CSGALNACT1: variants seen among roughly 807,000 people sequenced by gnomAD.
The protein encoded by CSGALNACT1 is beta4GalNAcT-1.
In CSGALNACT1, 52 loss-of-function variants were observed where a neutral mutation model predicts 51.0. The ratio of observed to expected loss-of-function variants is 1.02; its 90% CI spans 0.82 to 1.29. The LOEUF is 1.29. Among genes scored for constraint, CSGALNACT1 ranks in the 50% most tolerant of loss-of-function variants. The pLI, the probability that CSGALNACT1 is intolerant of heterozygous loss-of-function variation, is 0.00. For synonymous variants in CSGALNACT1, 341 were observed against 254.4 expected (o/e 1.34, Z -3.24); for missense variants, 935 against 679.2 (o/e 1.38, Z -4.19).
rs190923481 is a variant in CSGALNACT1, at chr8:19,731,076, A to C, written c.-297+26774T>G. Among the ~76,000 whole-genome samples, 680 of 152,306 alleles carry C rather than the reference A, an allele frequency of 4.5e-3. 6 individuals carry two copies. Among genetic ancestry groups the C allele is most frequent in the Middle Eastern group, 0.014 (4 of 294 alleles). On this transcript the variant is annotated intron_variant, in intron 1 of 1. Coordinates refer to the CSGALNACT1 transcript ENST00000517494. ...GTGAAAGAAAAGGAATCATGAGCCTAAACAGCTGCTAAAGATGGCTGTTTC... is the reference window on the plus strand; with the variant it reads ...GTGAAAGAAAAGGAATCATGAGCCTCAACAGCTGCTAAAGATGGCTGTTTC...
intron 3 of CSGALNACT1, among the ~76,000 whole-genome samples, chr8:19,513,415 A>ACTCTCTCTCTCTCTCTCT (rs1409555325): frequency 2.7e-5 from 3 of 111,494 alleles, no homozygotes; most frequent in African/African-American, 1.0e-4. Flanking sequence ...TCTCTCTCTC[A>ACTCTCTCTCTCTCTCTCT]CTCTCTCTCT....
intron 4 of CSGALNACT1, among the ~76,000 whole-genome samples, chr8:19,463,779 T>G (rs1168996255): frequency 6.6e-6 from 1 of 152,210 alleles, no homozygotes; most frequent in Non-Finnish European, 1.5e-5. Flanking sequence ...TCTTTGAGTT[T>G]GGTGTAATTA....
At chr8:19,673,472 G>T (rs958416) in intron 1 of CSGALNACT1, among the ~76,000 whole-genome samples, 76,896 of 152,066 alleles carry the variant, frequency 0.51, 19,692 homozygotes, top group Middle Eastern at 0.58. Flanking sequence ...AAAGTTGCTA[G>T]GCACTATGTG....
chr8:19,452,552 G>A (rs1403436845), intron 5 of CSGALNACT1, among the ~76,000 whole-genome samples: 1 of 152,134 alleles, frequency 6.6e-6, no homozygotes, highest in African/African-American at 2.4e-5. Flanking sequence ...TGACATATAT[G>A]CATCTCCCCC....
intron 1 of CSGALNACT1, among the ~76,000 whole-genome samples, chr8:19,707,263 T>C (rs779150524): frequency 1.3e-5 from 2 of 152,182 alleles, no homozygotes; most frequent in Non-Finnish European, 2.9e-5. Flanking sequence ...TCTACATCCA[T>C]AAGTGTTCTA....
At chr8:19,424,596 G>C (rs987917522) in intron 6 of CSGALNACT1, among the ~76,000 whole-genome samples, 1 of 152,184 alleles carries the variant, frequency 6.6e-6, no homozygotes, top group Non-Finnish European at 1.5e-5. Flanking sequence ...CTGGCCATGT[G>C]GGCTCTAGAA....
At chr8:19,683,027 C>T (rs772353615), upstream of CSGALNACT1, 4 of 260,276 alleles carry the variant, frequency 1.5e-5, no homozygotes, top group Non-Finnish European at 3.1e-5. Context: ...TTTAAATGAC[C>T]CTGGAGACCG....
chr8:19,461,910 C>G (rs1003988293), intron 4 of CSGALNACT1, among the ~76,000 whole-genome samples: 2 of 151,520 alleles, frequency 1.3e-5, no homozygotes, highest in African/African-American at 2.4e-5. Flanking sequence ...GAGGGTGTAT[C>G]CGCACAGCAC....
At chr8:19,739,071 G>A (rs984491990) in intron 1 of CSGALNACT1, among the ~76,000 whole-genome samples, 4 of 151,722 alleles carry the variant, frequency 2.6e-5, no homozygotes, top group African/African-American at 9.7e-5. Flanking sequence ...ATAATTTTTA[G>A]GTATGAAAAC....
At chr8:19,425,701 T>C (rs2058669540) in intron 6 of CSGALNACT1, among the ~76,000 whole-genome samples, 1 of 152,128 alleles carries the variant, frequency 6.6e-6, no homozygotes, top group African/African-American at 2.4e-5. Context: ...CCTAGGTGCA[T>C]CCTCAACCTC....
At chr8:19,418,475 T>C (rs912320552) in intron 8 of CSGALNACT1, among the ~76,000 whole-genome samples, 181 bp downstream of exon 7, 3 of 152,342 alleles carry the variant, frequency 2.0e-5, no homozygotes, top group Admixed American at 1.3e-4. Context: ...ACTTTAAATA[T>C]TGCAAGCACT....
chr8:19,654,387 G>A (rs1295707230), intron 1 of CSGALNACT1, among the ~76,000 whole-genome samples: 2 of 152,166 alleles, frequency 1.3e-5, no homozygotes, highest in African/African-American at 2.4e-5. Flanking sequence ...CTGAATGTGT[G>A]TGACGCACTG....
At chr8:19,571,371 T>TG (rs961281673) in intron 3 of CSGALNACT1, among the ~76,000 whole-genome samples, 3 of 150,798 alleles carry the variant, frequency 2.0e-5, no homozygotes, top group Non-Finnish European at 4.4e-5. Flanking sequence ...AATTCTAGAG[T>TG]GGGGGGCACC....
chr8:19,601,119 C>T (rs1234383940), intron 2 of CSGALNACT1, among the ~76,000 whole-genome samples: 1 of 152,088 alleles, frequency 6.6e-6, no homozygotes, highest in Non-Finnish European at 1.5e-5. Context: ...TGTAATAAAA[C>T]ATCTTATTGC....
intron 3 of CSGALNACT1, among the ~76,000 whole-genome samples, chr8:19,516,671 T>C (rs1194364172): frequency 6.6e-6 from 1 of 152,218 alleles, no homozygotes; most frequent in East Asian, 1.9e-4. Flanking sequence ...CTTCGCAACA[T>C]TCAAGTGTTT....
intron 3 of CSGALNACT1, among the ~76,000 whole-genome samples, chr8:19,581,538 C>T (rs768644755): frequency 1.4e-4 from 22 of 152,034 alleles, no homozygotes; most frequent in Non-Finnish European, 2.2e-4. Flanking sequence ...ACCAGGGAGT[C>T]GGAGGTTGCA....
intron 1 of CSGALNACT1, among the ~76,000 whole-genome samples, chr8:19,645,795 A>C (rs116119808): frequency 6.6e-6 from 1 of 152,276 alleles, no homozygotes; most frequent in African/African-American, 2.4e-5. Flanking sequence ...CTGGATGATC[A>C]AATGTAGCCC....
chr8:19,437,079 T>C (rs1312296467), intron 6 of CSGALNACT1, among the ~76,000 whole-genome samples: 3 of 152,156 alleles, frequency 2.0e-5, no homozygotes, highest in African/African-American at 7.2e-5. Flanking sequence ...TATAATCTAG[T>C]TGCAGACTTA....
chr8:19,626,513 C>T (rs1352078453), intron 1 of CSGALNACT1, among the ~76,000 whole-genome samples: 2 of 151,882 alleles, frequency 1.3e-5, no homozygotes, highest in African/African-American at 4.8e-5. Flanking sequence ...ATAGAAAATC[C>T]TTGTAACTTA....
Sources: allele counts gnomAD v4.1 joint callset (sites outside exome capture counted in the v4.1 genomes callset), GRCh38; gene constraint gnomAD v4.1.1; transcripts MANE v1.5; gene names NCBI Gene and HGNC (gene_info 2026-07-23, HGNC 2026-07-21).